Variants in PPP3CA observed in about 807,000 individuals in gnomAD.
The protein encoded by PPP3CA is CAM-PRP catalytic subunit.
In PPP3CA, 14 loss-of-function variants were observed where a neutral mutation model predicts 66.5. That is an observed-to-expected ratio of 0.21 (90% CI 0.14 to 0.33). PPP3CA has a LOEUF of 0.33. PPP3CA is among the 10% of genes least tolerant of loss of function. The pLI is 1.00. For missense variants in PPP3CA, 317 were observed against 639.5 expected (o/e 0.50, Z 5.44); for synonymous variants, 232 against 226.2 (o/e 1.03, Z -0.23).
chr4:101,165,223 G>C (rs931871), intron 2 of PPP3CA, among the ~76,000 whole-genome samples: 22,727 of 152,106 alleles, frequency 0.15, 2,348 homozygotes, highest in East Asian at 0.3. Flanking sequence ...ATCTCTTTTT[G>C]ATGTAAGGGA....
At chr4:101,134,128 A>G (rs1268018325) in intron 2 of PPP3CA, among the ~76,000 whole-genome samples, 1 of 152,234 alleles carries the variant, frequency 6.6e-6, no homozygotes. Context: ...TGTAAGACCT[A>G]AAACCATAAA....
intron 2 of PPP3CA, among the ~76,000 whole-genome samples, chr4:101,116,674 C>A (rs10017072): frequency 9.6e-4 from 145 of 151,792 alleles, no homozygotes; most frequent in Non-Finnish European, 8.6e-4. Context: ...GGGGACACTG[C>A]AGTTTATTAC....
At chr4:101,139,316 C>T (rs1336336377) in intron 2 of PPP3CA, among the ~76,000 whole-genome samples, 1 of 142,040 alleles carries the variant, frequency 7.0e-6, no homozygotes, top group African/African-American at 2.7e-5. Context: ...CACTGCACTC[C>T]AAGCCTGGGT....
At chr4:101,214,831 T>A (rs1005859983) in intron 1 of PPP3CA, among the ~76,000 whole-genome samples, 2 of 152,122 alleles carry the variant, frequency 1.3e-5, no homozygotes, top group Non-Finnish European at 1.5e-5. Context: ...TCTGACTACA[T>A]AGAAATCCAC....
chr4:101,299,618 A>T (rs943010584), intron 1 of PPP3CA, among the ~76,000 whole-genome samples: 2 of 152,168 alleles, frequency 1.3e-5, no homozygotes, highest in African/African-American at 4.8e-5. Flanking sequence ...GTATTTATTT[A>T]TAAGAAATAA....
chr4:101,280,495 G>A (rs1727644435), intron 1 of PPP3CA, among the ~76,000 whole-genome samples: 1 of 152,048 alleles, frequency 6.6e-6, no homozygotes, highest in African/African-American at 2.4e-5. Flanking sequence ...TGAGACTAGA[G>A]GCACTGAGGA....
chr4:101,222,279 T>C (rs1049280036), intron 1 of PPP3CA, among the ~76,000 whole-genome samples: 2 of 151,652 alleles, frequency 1.3e-5, no homozygotes, highest in African/African-American at 2.4e-5. Flanking sequence ...ATTTCAAATA[T>C]ATATGTGAGA....
At chr4:101,215,568 G>A (rs1202559346) in intron 1 of PPP3CA, among the ~76,000 whole-genome samples, 1 of 151,960 alleles carries the variant, frequency 6.6e-6, no homozygotes, top group Non-Finnish European at 1.5e-5. Flanking sequence ...TACAGTGAAA[G>A]CATTTTCCTT....
At chr4:101,310,571 G>A (rs916837908) in intron 1 of PPP3CA, among the ~76,000 whole-genome samples, 2 of 152,270 alleles carry the variant, frequency 1.3e-5, no homozygotes, top group Admixed American at 6.5e-5. Flanking sequence ...TACTCAAGAG[G>A]CTGAGGTGGG....
chr4:101,317,865 C>G (rs1375046507), intron 1 of PPP3CA, among the ~76,000 whole-genome samples: 1 of 152,162 alleles, frequency 6.6e-6, no homozygotes, highest in Non-Finnish European at 1.5e-5. Flanking sequence ...CATGGGCAAG[C>G]TGCGCACTGT....
chr4:101,118,667 T>G (rs570009053), intron 2 of PPP3CA, among the ~76,000 whole-genome samples: 1 of 152,148 alleles, frequency 6.6e-6, no homozygotes, highest in East Asian at 1.9e-4. Flanking sequence ...TTTCTGGTTT[T>G]TATGTGTATT....
At chr4:101,346,606 T>C in intron 1 of PPP3CA, 133 bp downstream of exon 1, 2 of 781,224 alleles carry the variant, frequency 2.6e-6, no homozygotes, top group Non-Finnish European at 4.1e-6. Context: ...TTGCACAATA[T>C]CCTAGAAGGT....
At chr4:101,044,134 T>C (rs1474415712) in intron 10 of PPP3CA, among the ~76,000 whole-genome samples, 1 of 152,196 alleles carries the variant, frequency 6.6e-6, no homozygotes, top group East Asian at 1.9e-4. Flanking sequence ...TGATGTGTAA[T>C]TCAGTGTAAA....
At chr4:101,064,852 T>C (rs1049017893) in intron 8 of PPP3CA, among the ~76,000 whole-genome samples, 1 of 152,046 alleles carries the variant, frequency 6.6e-6, no homozygotes, top group Non-Finnish European at 1.5e-5. Flanking sequence ...GTGGATACTA[T>C]ATATATCATA....
chr4:101,027,971 C>T (rs1197127296), intron 13 of PPP3CA, among the ~76,000 whole-genome samples: 2 of 152,126 alleles, frequency 1.3e-5, no homozygotes, highest in Admixed American at 6.5e-5. Flanking sequence ...AAACTATCAA[C>T]AAGAATGCAC....
At chr4:101,271,852 A>C (rs1727345880) in intron 1 of PPP3CA, among the ~76,000 whole-genome samples, 1 of 152,184 alleles carries the variant, frequency 6.6e-6, no homozygotes, top group African/African-American at 2.4e-5. Flanking sequence ...ACGACACACA[A>C]AACACAAACA....
chr4:101,273,774 C>T (rs1271243867), intron 1 of PPP3CA, among the ~76,000 whole-genome samples: 1 of 151,960 alleles, frequency 6.6e-6, no homozygotes, highest in Non-Finnish European at 1.5e-5. Flanking sequence ...AATAAAAGAA[C>T]TATTCAAGCA....
intron 2 of PPP3CA, among the ~76,000 whole-genome samples, chr4:101,189,428 G>A (rs1393787610): frequency 6.6e-6 from 1 of 151,756 alleles, no homozygotes; most frequent in Non-Finnish European, 1.5e-5. Context: ...TGTTACATAT[G>A]GTTACTTCCA....
intron 2 of PPP3CA, among the ~76,000 whole-genome samples, chr4:101,140,774 A>C (rs1722782248): frequency 6.6e-6 from 1 of 152,184 alleles, no homozygotes; most frequent in Non-Finnish European, 1.5e-5. Context: ...AGCATTCCCA[A>C]TATGTGTACA....
Sources: gnomAD v4.1 joint callset for allele counts (sites outside exome capture counted in the v4.1 genomes callset) on GRCh38, gnomAD v4.1.1 for gene constraint, MANE v1.5 for transcripts, NCBI Gene and HGNC (gene_info 2026-07-23, HGNC 2026-07-21) for gene names.